Variants in ZNF263 observed in about 807,000 individuals in gnomAD.
ZNF263 encodes the protein zinc finger protein 263.
A neutral mutation model predicts 63.1 loss-of-function variants in ZNF263; 49 were observed. The observed-to-expected ratio is 0.78, with a 90% confidence interval of 0.62 to 0.99. The LOEUF is 0.99. Ranked by LOEUF, ZNF263 falls within the 50% of genes least tolerant of loss-of-function variation. ZNF263 has a pLI of 0.00. For missense variants in ZNF263, 872 were observed against 854.8 expected (o/e 1.02, Z -0.25); for synonymous variants, 352 against 324.2 (o/e 1.09, Z -0.92).
At position 3,283,797 on chromosome 16, in the gene ZNF263, A is replaced by C; in HGVS notation, c.-22A>C. 6.5e-7 allele frequency: 1 copy of C among 1,527,892 alleles called. No individual in the cohort carries two copies. The highest frequency in any genetic ancestry group is 8.8e-7 in the Non-Finnish European group (1 of 1,141,804). The allele number at this position is 1,527,892 out of a possible 1,614,324, so 94.6% of individuals were successfully genotyped here. On this transcript the variant is annotated 5_prime_UTR_variant, in exon 1 of 6. It removes the in-frame stop codon of an upstream open reading frame in the 5' UTR. Transcript: ENST00000219069. ...AGGCGGGCACGGCTGGTTTCGGGCT[A>C]AGGCGCTCTGGAGACCTGACGATGG...
chr16:3,285,691 T>A lies in ZNF263; in HGVS notation c.579T>A (p.Ala193=). The part of the protein sequence containing the change: ...PQAVKERALS[A]PWLSLFPPEG... ...TTCTGTCACCTTCAGCATTATCTGC[T>A]CCCTGGCTTTCTCTTTTTCCTCCTG... The change falls in exon 3 of 6, where the codon GCT becomes GCA. Residue 193 remains alanine, a synonymous_variant. Coordinates refer to ENST00000219069, the MANE Select transcript of ZNF263 (RefSeq NM_005741.5). The A allele has an allele frequency of 1.2e-6, 2 of 1,614,136 alleles. No individual in the cohort carries two copies. The highest frequency in any genetic ancestry group is 1.7e-6 in the Non-Finnish European group (2 of 1,180,004).
chr16:3,288,043 G>A (rs1959445420), intron 4 of ZNF263, among the ~76,000 whole-genome samples: 1 of 151,948 alleles, frequency 6.6e-6, no homozygotes, highest in Non-Finnish European at 1.5e-5. Flanking sequence ...CTTGAAGTCA[G>A]GAGTTCGAGA....
chr16:3,290,380 A>C lies in ZNF263; in HGVS notation c.1874A>C (p.His625Pro). ...AATTTAATCAGGCACCAGAGAATCC[A>C]CACAGGAGAAAAACCCTATACCTGT... ...RSNLIRHQRI[H>P]TGEKPYTCHE... is the part of the protein sequence containing the mutation. The change falls in exon 6 of 6, where the codon CAC becomes CCC. Residue 625 changes from histidine to proline, a missense_variant. His to Pro is a moderately conservative substitution (Grantham distance 77). Coordinates refer to ENST00000219069, the MANE Select transcript of ZNF263 (RefSeq NM_005741.5). 1 of 1,614,204 alleles carries C rather than the reference A, an allele frequency of 6.2e-7. No homozygotes were observed. The highest frequency in any genetic ancestry group is 8.5e-7 in the Non-Finnish European group (1 of 1,180,042).
Position 3,290,384 on chromosome 16 carries a change from A to G in ZNF263, c.1878A>G (p.Thr626=), listed in dbSNP as rs751637617. The change falls in exon 6 of 6, where the codon ACA becomes ACG. Residue 626 remains threonine (T), a synonymous_variant. Coordinates refer to ENST00000219069, the MANE Select transcript of ZNF263 (RefSeq NM_005741.5). The part of the protein sequence containing the change: ...SNLIRHQRIH[T]GEKPYTCHEC... ...TAATCAGGCACCAGAGAATCCACAC[A>G]GGAGAAAAACCCTATACCTGTCATG... The G allele has an allele frequency of 1.1e-5, 17 of 1,614,096 alleles. No homozygotes were observed. Among genetic ancestry groups the G allele is most frequent in the African/African-American group, 1.3e-5 (1 of 74,932 alleles).
chr16:3,288,595 G>A (rs1369852048), intron 5 of ZNF263, 25 bp downstream of exon 5: 6 of 1,547,392 alleles, frequency 3.9e-6, no homozygotes, highest in Admixed American at 1.9e-5. Context: ...CAAGTGGCCT[G>A]CGCAGCAAGC....
intron 2 of ZNF263, chr16:3,300,104 GAC>G (rs1304168620): frequency 6.2e-6 from 10 of 1,614,200 alleles, no homozygotes; most frequent in South Asian, 1.1e-5. Context: ...AGCTGAGCTA[GAC>G]ACAGTTTCTC....
chr16:3,299,054 G>A, intron 1 of ZNF263: 6 of 1,400,810 alleles, frequency 4.3e-6, no homozygotes, highest in Non-Finnish European at 5.6e-6. Context: ...ATTCTAGAAT[G>A]GATTTTACTC....
At position 3,283,719 on chromosome 16, in the gene ZNF263, C is replaced by T. The variant is rs1959234132; in HGVS notation, c.-100C>T. The T allele has an allele frequency of 7.1e-7, 1 of 1,405,062 alleles. No individual in the cohort carries two copies. Among genetic ancestry groups the T allele is most frequent in the Non-Finnish European group, 9.2e-7 (1 of 1,083,682 alleles). 87.0% of individuals were successfully genotyped at this position (1,405,062 alleles called of 1,614,324 possible). ...TCGGCCTGGACTGGGAGCCCCCGGC[C>T]CCGGGCTCCTGCTGGCGCCGTCCAA... On this transcript the variant is annotated 5_prime_UTR_variant, in exon 1 of 6. Coordinates refer to ENST00000219069, the MANE Select transcript of ZNF263 (RefSeq NM_005741.5).
At chr16:3,299,487 T>C in intron 2 of ZNF263, 1 of 1,547,340 alleles carries the variant, frequency 6.5e-7, no homozygotes, top group Non-Finnish European at 8.7e-7. Context: ...TTGCACTTTT[T>C]ATATTGTAGA....
intron 2 of ZNF263, chr16:3,300,631 A>G (rs1567259166): frequency 6.5e-7 from 1 of 1,534,010 alleles, no homozygotes; most frequent in Non-Finnish European, 8.7e-7. Flanking sequence ...TTTAACTCTG[A>G]ACCACCAACA....
At chr16:3,295,418 C>A (rs551675959), downstream of ZNF263, among the ~76,000 whole-genome samples, 151 of 152,264 alleles carry the variant, frequency 9.9e-4, 1 homozygote, top group Admixed American at 4.2e-3. Flanking sequence ...CCCGCCCGGG[C>A]GGTGTATGGT....
Position 3,299,704 on chromosome 16 carries a change from G to C in ZNF263, c.*46+548G>C, listed in dbSNP as rs373549169. On this transcript the variant is annotated intron_variant, in intron 2 of 2. Coordinates refer to the ZNF263 transcript ENST00000574674. ...ACCATCCTCACTGGTTAGGGATTCA[G>C]AGGAAGGATGAGCCGGGCAACTGTC... 61 of 1,536,772 alleles carry C rather than the reference G, an allele frequency of 4.0e-5. 1 individual carries two copies. The highest frequency in any genetic ancestry group is 1.8e-4 in the Admixed American group (8 of 45,384).
rs375462160 is a variant in ZNF263, at chr16:3,285,276, G to C, written c.568+37G>C. 65 of 1,575,608 alleles carry C rather than the reference G, an allele frequency of 4.1e-5. No individual in the cohort carries two copies. In the African/African-American group the frequency reaches 8.3e-4, roughly 20 times the overall value. ...TTATCTGGGCAGGTGGGAGGGAGGA[G>C]GGGCTTGGGGGTTGCCCCCGACACT... On this transcript the variant is annotated intron_variant, in intron 2 of 5. Coordinates refer to ENST00000219069, the MANE Select transcript of ZNF263 (RefSeq NM_005741.5).
chr16:3,289,407 G>T lies in ZNF263; in HGVS notation c.901G>T (p.Glu301Ter). 6.6e-7 allele frequency: 1 copy of T among 1,509,794 alleles called. No homozygotes were observed. Among genetic ancestry groups the T allele is most frequent in the South Asian group, 1.4e-5 (1 of 72,726 alleles). 93.5% of individuals were successfully genotyped at this position (1,509,794 alleles called of 1,614,324 possible). ...CTCTCTACCAGGAGAAGAGAAATTTGAGAACCTGGAAGGTGTTCCGTCTGT... is the reference window on the plus strand; with the variant it reads ...CTCTCTACCAGGAGAAGAGAAATTTTAGAACCTGGAAGGTGTTCCGTCTGT... ...RGPAPGEEKF[E>*]NLEGVPSVCS... The change falls in exon 6 of 6, where the codon GAG becomes TAG. Residue 301 changes from glutamate (E) to a stop codon, truncating the protein, a stop_gained. Coordinates refer to ENST00000219069, the MANE Select transcript of ZNF263 (RefSeq NM_005741.5). LOFTEE classifies it high-confidence loss of function.
At chr16:3,299,222 CT>C in intron 2 of ZNF263, 1 of 1,607,252 alleles carries the variant, frequency 6.2e-7, no homozygotes. Flanking sequence ...GCTTCTCCTC[CT>C]TTTTGAACAA....
At chr16:3,288,430 A>G (rs1959463073) in intron 4 of ZNF263, 24 bp from the exon 5 acceptor site, 1 of 1,568,878 alleles carries the variant, frequency 6.4e-7, no homozygotes, top group African/African-American at 1.4e-5. Context: ...CAGTACAGAA[A>G]TCTGTTTCTT....
intron 2 of ZNF263, 62 bp downstream of exon 2, chr16:3,285,301 TAGCTGGATG>T: frequency 6.7e-7 from 1 of 1,487,806 alleles, no homozygotes; most frequent in Non-Finnish European, 9.1e-7. Context: ...CCCCCGACAC[TAGCTGGATG>T]TAGCAATGAT....
intron 1 of ZNF263, 81 bp downstream of exon 1, chr16:3,284,286 G>A (rs1418717770): frequency 6.9e-7 from 1 of 1,457,954 alleles, no homozygotes; most frequent in African/African-American, 1.4e-5. Context: ...TCGAATTCAA[G>A]TAAATTGCCC....
At position 3,288,549 on chromosome 16, in the gene ZNF263, A is replaced by G. The variant is rs1196217416; in HGVS notation, c.865A>G (p.Ser289Gly). The G allele has an allele frequency of 6.2e-7, 1 of 1,611,470 alleles. No homozygotes were observed. Among genetic ancestry groups the G allele is most frequent in the African/African-American group, 1.3e-5 (1 of 74,970 alleles). The change falls in exon 5 of 6, where the codon AGC (serine) becomes GGC (glycine). Residue 289 changes from serine to glycine, a missense_variant. Physicochemically the swap from Ser to Gly is moderately conservative, Grantham distance 56. Transcript: ENST00000219069. ...TGTCCAGAGCTGCAAGGAGGGCCTG[A>G]GCCCCAGAGGCCCAGCTCCAGGTAA... ...PSVQSCKEGL[S>G]PRGPAPGEEK...
Sources: allele counts gnomAD v4.1 joint callset (sites outside exome capture counted in the v4.1 genomes callset), GRCh38; gene constraint gnomAD v4.1.1; transcripts MANE v1.5; gene names NCBI Gene and HGNC (gene_info 2026-07-23, HGNC 2026-07-21).